The following ATOSA variants were observed in gnomAD, a reference collection of about 807,000 sequenced individuals.
ATOSA encodes atos homolog A.
chr15:52,663,119 C>A, the ATOSA span, among the ~76,000 whole-genome samples: 1 of 152,154 alleles, frequency 6.6e-6, no homozygotes, highest in Non-Finnish European at 1.5e-5. Flanking sequence ...ATCTGCCGAC[C>A]GTTAAACAAT....
At chr15:52,707,527 T>G in the ATOSA span, among the ~76,000 whole-genome samples, 1 of 152,198 alleles carries the variant, frequency 6.6e-6, no homozygotes, top group Non-Finnish European at 1.5e-5. Context: ...GAGGAATTAT[T>G]CCAGATTAAA....
chr15:52,664,469 G>A, the ATOSA span, among the ~76,000 whole-genome samples: 1 of 152,146 alleles, frequency 6.6e-6, no homozygotes, highest in South Asian at 2.1e-4. Context: ...CTTGAGAAAA[G>A]AATTGCTATT....
chr15:52,651,769 T>A, the ATOSA span: 1 of 1,157,980 alleles, frequency 8.6e-7, no homozygotes, highest in Non-Finnish European at 1.2e-6. Flanking sequence ...GACCTATTTA[T>A]TAAAAATCCA....
At chr15:52,651,752 T>C in the ATOSA span, 1 of 976,442 alleles carries the variant, frequency 1.0e-6, no homozygotes, top group Non-Finnish European at 1.5e-6. Context: ...GTGAGATAAT[T>C]TTCCTAGACC....
At chr15:52,667,234 G>GA in the ATOSA span, among the ~76,000 whole-genome samples, 3 of 152,138 alleles carry the variant, frequency 2.0e-5, no homozygotes, top group African/African-American at 7.2e-5. Flanking sequence ...AAAGCTAGAG[G>GA]AAAAATCTAC....
chr15:52,639,156 T>C, the ATOSA span, among the ~76,000 whole-genome samples: 1 of 151,898 alleles, frequency 6.6e-6, no homozygotes, highest in Non-Finnish European at 1.5e-5. Flanking sequence ...TATTTTACTA[T>C]CTGATAAGTA....
chr15:52,709,617 A>T, the ATOSA span: 2 of 152,516 alleles, frequency 1.3e-5, no homozygotes, highest in East Asian at 3.9e-4. Context: ...CACCCCCTGC[A>T]CTTGCTAGCC....
chr15:52,584,759 G>C, the ATOSA span: 1 of 1,613,324 alleles, frequency 6.2e-7, no homozygotes, highest in Non-Finnish European at 8.5e-7. Context: ...GATGTATGAG[G>C]TAGCGTAATA....
the ATOSA span, among the ~76,000 whole-genome samples, chr15:52,662,066 A>G: frequency 1.3e-5 from 2 of 152,132 alleles, no homozygotes; most frequent in African/African-American, 4.8e-5. Context: ...GAGGTTGGTG[A>G]TTATTCACAC....
At chr15:52,631,416 A>C in the ATOSA span, among the ~76,000 whole-genome samples, 1 of 152,206 alleles carries the variant, frequency 6.6e-6, no homozygotes, top group African/African-American at 2.4e-5. Context: ...AAAGTCTTCC[A>C]ACTTTAAGAT....
At chr15:52,652,003 T>C in the ATOSA span, 88 of 1,525,978 alleles carry the variant, frequency 5.8e-5, no homozygotes, top group African/African-American at 1.2e-3. Flanking sequence ...TTAAAACAAA[T>C]GTTCAGCGTT....
the ATOSA span, among the ~76,000 whole-genome samples, chr15:52,680,913 G>A: frequency 6.7e-6 from 1 of 149,574 alleles, no homozygotes; most frequent in African/African-American, 2.5e-5. Flanking sequence ...AACAGTTACA[G>A]ATAAGCCAAA....
the ATOSA span, among the ~76,000 whole-genome samples, chr15:52,659,582 G>A: frequency 4.6e-5 from 7 of 152,210 alleles, no homozygotes; most frequent in African/African-American, 1.7e-4. Context: ...TTTCATACAA[G>A]GACCCATGTA....
At chr15:52,690,002 A>G in the ATOSA span, among the ~76,000 whole-genome samples, 2 of 152,364 alleles carry the variant, frequency 1.3e-5, no homozygotes, top group South Asian at 4.1e-4. Flanking sequence ...ACTTGACTGT[A>G]TACCTGTTAA....
At chr15:52,665,529 T>C in the ATOSA span, among the ~76,000 whole-genome samples, 1 of 152,150 alleles carries the variant, frequency 6.6e-6, no homozygotes, top group African/African-American at 2.4e-5. Flanking sequence ...TCATATACTG[T>C]TGGTGACCAA....
the ATOSA span, among the ~76,000 whole-genome samples, chr15:52,619,217 A>G: frequency 3.9e-5 from 6 of 152,234 alleles, no homozygotes; most frequent in Admixed American, 3.9e-4. Context: ...AGTAGTCCTC[A>G]GAACAGTTAC....
chr15:52,685,367 T>A, the ATOSA span, among the ~76,000 whole-genome samples: 15 of 152,170 alleles, frequency 9.9e-5, no homozygotes, highest in Non-Finnish European at 7.4e-5. Context: ...CTAGATATAG[T>A]AGGAACAATG....
the ATOSA span, chr15:52,600,171 T>G: frequency 6.2e-7 from 1 of 1,611,754 alleles, no homozygotes; most frequent in African/African-American, 1.3e-5. Context: ...GGTGGAGCAC[T>G]AGAACTCAAA....
the ATOSA span, among the ~76,000 whole-genome samples, chr15:52,634,177 A>C: frequency 7.9e-5 from 12 of 152,276 alleles, 1 homozygote; most frequent in South Asian, 2.5e-3. Context: ...TCATGCCTGT[A>C]ATCCCAGCAC....
Sources: allele counts gnomAD v4.1 joint callset (sites outside exome capture counted in the v4.1 genomes callset), GRCh38; gene constraint gnomAD v4.1.1; transcripts MANE v1.5; gene names NCBI Gene and HGNC (gene_info 2026-07-23, HGNC 2026-07-21).